Variants in NRXN3 observed in about 807,000 individuals in gnomAD.
NRXN3 encodes the protein neurexin 3, also known as neurexin III.
Under a neutral mutation model 137.6 loss-of-function variants are expected in NRXN3, and 32 were observed. The observed-to-expected ratio is 0.23, with a 90% CI of 0.18 to 0.31. The LOEUF is 0.31. NRXN3 is among the 10% of genes least tolerant of loss of function. The probability of loss-of-function intolerance (pLI) is 1.00; values close to 1 mark genes in which losing one functional copy is unlikely to be tolerated. For missense variants in NRXN3, 1,574 were observed against 2,062.5 expected, an observed-to-expected ratio of 0.76 and a Z score of 4.59; for synonymous variants, 798 against 784.5, an observed-to-expected ratio of 1.02 and a Z score of -0.29.
intron 15 of NRXN3, chr14:79,314,116 C>A (rs1266285399): frequency 6.5e-6 from 1 of 153,392 alleles, no homozygotes; most frequent in Non-Finnish European, 1.4e-5. Flanking sequence ...GTGAGCGACG[C>A]AGAAGACGGG....
intron 19 of NRXN3, among the ~76,000 whole-genome samples, chr14:79,772,565 G>T (rs952365753): frequency 2.0e-5 from 3 of 152,188 alleles, no homozygotes; most frequent in Non-Finnish European, 4.4e-5. Flanking sequence ...GGGAAAACTG[G>T]CTAGCCATAT....
At chr14:79,661,440 T>C (rs1448505905) in intron 16 of NRXN3, among the ~76,000 whole-genome samples, 1 of 152,186 alleles carries the variant, frequency 6.6e-6, no homozygotes, top group Non-Finnish European at 1.5e-5. Flanking sequence ...ACTTGTCCAT[T>C]CTTTTATTGG....
At chr14:79,381,832 C>G (rs992048036) in intron 15 of NRXN3, among the ~76,000 whole-genome samples, 1 of 152,152 alleles carries the variant, frequency 6.6e-6, no homozygotes, top group African/African-American at 2.4e-5. Context: ...AAACCAGCAA[C>G]TAGCAAATGG....
At chr14:79,634,805 C>A (rs1360475313) in intron 16 of NRXN3, among the ~76,000 whole-genome samples, 2 of 152,188 alleles carry the variant, frequency 1.3e-5, no homozygotes, top group Admixed American at 6.5e-5. Context: ...TACTGACCAA[C>A]CTTTCCCCAT....
chr14:78,773,185 G>A (rs934904685), intron 8 of NRXN3, among the ~76,000 whole-genome samples: 3 of 152,116 alleles, frequency 2.0e-5, no homozygotes, highest in Admixed American at 1.3e-4. Flanking sequence ...TCTAATTCTG[G>A]ATGCTTTTGT....
intron 15 of NRXN3, among the ~76,000 whole-genome samples, chr14:79,285,680 T>A (rs2082114525): frequency 6.6e-6 from 1 of 152,110 alleles, no homozygotes; most frequent in South Asian, 2.1e-4. Flanking sequence ...TATAAGAACA[T>A]CCATCAGATT....
At chr14:78,504,384 T>C (rs1322874624) in intron 4 of NRXN3, among the ~76,000 whole-genome samples, 4 of 152,214 alleles carry the variant, frequency 2.6e-5, no homozygotes, top group Admixed American at 2.6e-4. Context: ...TGAGTAACTT[T>C]CTGAAGGATG....
At chr14:78,383,603 C>T (rs1169752852) in intron 4 of NRXN3, among the ~76,000 whole-genome samples, 1 of 152,176 alleles carries the variant, frequency 6.6e-6, no homozygotes, top group Admixed American at 6.5e-5. Flanking sequence ...ATCTACTGTA[C>T]AACTCTTAAA....
intron 16 of NRXN3, among the ~76,000 whole-genome samples, chr14:79,568,057 C>A (rs1264827802): frequency 6.6e-6 from 1 of 152,104 alleles, no homozygotes; most frequent in Non-Finnish European, 1.5e-5. Context: ...AATCACAATT[C>A]AATGGAACTG....
chr14:79,231,880 G>A (rs911237525), intron 15 of NRXN3, among the ~76,000 whole-genome samples: 1 of 152,144 alleles, frequency 6.6e-6, no homozygotes, highest in East Asian at 1.9e-4. Context: ...TGTTAAACTG[G>A]TGATGGTAGG....
chr14:78,523,478 A>G (rs908776815), intron 4 of NRXN3, among the ~76,000 whole-genome samples: 1 of 152,080 alleles, frequency 6.6e-6, no homozygotes, highest in African/African-American at 2.4e-5. Flanking sequence ...GTAAAACCAC[A>G]GTGCCCAGTA....
chr14:78,415,526 G>A (rs960312252), intron 4 of NRXN3, among the ~76,000 whole-genome samples: 5 of 152,124 alleles, frequency 3.3e-5, no homozygotes, highest in Admixed American at 2.6e-4. Context: ...GGCCTGGGAT[G>A]TACAGGAAGG....
intron 16 of NRXN3, among the ~76,000 whole-genome samples, chr14:79,540,792 C>T (rs891520728): frequency 7.2e-5 from 11 of 152,130 alleles, no homozygotes; most frequent in Admixed American, 2.0e-4. Context: ...GAGAAAAAAA[C>T]ATTTCTGGCT....
chr14:79,510,023 A>G (rs1406817843), intron 16 of NRXN3, among the ~76,000 whole-genome samples: 1 of 152,188 alleles, frequency 6.6e-6, no homozygotes, highest in Admixed American at 6.5e-5. Context: ...TGTGGGGAAT[A>G]CCTATGTACA....
intron 4 of NRXN3, among the ~76,000 whole-genome samples, chr14:78,506,643 GTTTTTTTTTTTTTTTTTTT>G (rs71131653): frequency 9.5e-6 from 1 of 105,362 alleles, no homozygotes; most frequent in Non-Finnish European, 2.0e-5. Context: ...TCTCATTGTA[GTTTTTTTTTTTTTTTTTTT>G]TTTTTTTTTT....
At chr14:79,230,587 G>T (rs1263993824) in intron 15 of NRXN3, among the ~76,000 whole-genome samples, 2 of 152,172 alleles carry the variant, frequency 1.3e-5, no homozygotes, top group Non-Finnish European at 2.9e-5. Flanking sequence ...AGTAGCTGCA[G>T]CTTGGAAGCT....
At chr14:79,684,284 C>T (rs1366782999) in intron 17 of NRXN3, among the ~76,000 whole-genome samples, 1 of 151,530 alleles carries the variant, frequency 6.6e-6, no homozygotes, top group Non-Finnish European at 1.5e-5. Context: ...CTTTGGGAAG[C>T]CATTCAACTA....
intron 4 of NRXN3, among the ~76,000 whole-genome samples, chr14:78,620,487 A>G (rs1018959639): frequency 6.6e-6 from 1 of 152,190 alleles, no homozygotes; most frequent in African/African-American, 2.4e-5. Flanking sequence ...GTACATGCCC[A>G]GTTGGTGGCT....
Position 79,616,702 on chromosome 14 carries a change from A to T in NRXN3, c.3445-47076A>T, listed in dbSNP as rs987692392. 2.4e-4 allele frequency among the ~76,000 whole-genome samples: 37 copies of T among 152,168 alleles called. 1 individual carries two copies. Among genetic ancestry groups the T allele is most frequent in the Non-Finnish European group, 1.5e-5 (1 of 68,022 alleles). ...ATAGAATGAGTTAAGAGATTTGGTA[A>T]TCTTGAGAAATGTCTGTAAAGTGTC... On this transcript the variant is annotated intron_variant, in intron 16 of 20. Transcript: ENST00000335750.
Sources: gnomAD v4.1 joint callset for allele counts (sites outside exome capture counted in the v4.1 genomes callset) on GRCh38, gnomAD v4.1.1 for gene constraint, MANE v1.5 for transcripts, NCBI Gene and HGNC (gene_info 2026-07-23, HGNC 2026-07-21) for gene names.